ATG4A: variants seen among roughly 807,000 people sequenced by gnomAD.
ATG4A encodes autophagy related 4A cysteine peptidase.
ATG4A carries 22 observed loss-of-function variants against 38.4 expected under a neutral mutation model. The ratio of observed to expected loss-of-function variants is 0.57; its 90% CI spans 0.41 to 0.82. The LOEUF (loss-of-function observed/expected upper bound fraction) is 0.82. Ranked by LOEUF, ATG4A falls within the 40% of genes least tolerant of loss-of-function variation. The probability of loss-of-function intolerance (pLI) is 0.00; values close to 1 mark genes in which losing one functional copy is unlikely to be tolerated. For synonymous variants in ATG4A, 86 were observed against 100.7 expected, an observed-to-expected ratio of 0.85 and a Z score of 0.88; for missense variants, 220 against 290.0, an observed-to-expected ratio of 0.76 and a Z score of 1.75.
rs1166199238 is a variant in ATG4A at position 108,092,020 on chromosome X, G to T, written c.10+184G>T. 9 of 738,415 alleles carry T rather than the reference G, an allele frequency of 1.2e-5. No homozygotes were observed. The East Asian group carries it at 3.2e-4, about 26-fold the overall frequency. The allele number at this position is 738,415 out of a possible 1,213,427, so 60.9% of individuals were successfully genotyped here. A position where few individuals can be genotyped will look rare whatever the true frequency, so the allele number is the denominator to read the frequency against. ...GGCGGAAGGGACAAGGGTTGGAGCT[G>T]AGTACTACCTACTGAGCTCGAACCG... On this transcript the variant is annotated intron_variant, in intron 1 of 12. Transcript: ENST00000372232.
chrX:108,141,830 T>A (rs753374174), intron 9 of ATG4A, among the ~76,000 whole-genome samples: 3 of 111,701 alleles, frequency 2.7e-5, no homozygotes, highest in South Asian at 3.8e-4. Flanking sequence ...TTTTAAAAAA[T>A]TTTGTTCCAG....
upstream of ATG4A, among the ~76,000 whole-genome samples, chrX:108,089,463 T>C (rs1712741451): frequency 8.9e-6 from 1 of 112,226 alleles, no homozygotes; most frequent in African/African-American, 3.2e-5. Context: ...ATCTAGAATT[T>C]AAAATCATAA....
At chrX:108,125,455 A>T (rs1268748288) in intron 1 of ATG4A, among the ~76,000 whole-genome samples, 1 of 112,461 alleles carries the variant, frequency 8.9e-6, no homozygotes, top group Non-Finnish European at 1.9e-5. Flanking sequence ...TATATTTCTT[A>T]TTATATCTTA....
chrX:108,129,693 C>G (rs1014384985), intron 3 of ATG4A, among the ~76,000 whole-genome samples: 2 of 108,177 alleles, frequency 1.8e-5, no homozygotes, highest in African/African-American at 6.8e-5. Flanking sequence ...GCCTCAGCCT[C>G]CCGAGTAGCT....
In ATG4A at chrX:108,141,058, GTGTATATATATACATATA is replaced by G. The variant is rs1291188957; in HGVS notation, c.814+2869_814+2886del. Among the ~76,000 whole-genome samples, 34 of 30,572 alleles carry G rather than the reference GTGTATATATATACATATA, an allele frequency of 1.1e-3. 1 individual carries two copies. The highest frequency in any genetic ancestry group is 3.5e-3 in the African/African-American group (28 of 8,055). The allele number at this position is 30,572 out of a possible 115,157, so 26.5% of individuals were successfully genotyped here. ...TATATACATATATATACATATATAC[GTGTATATATATACATATA>G]TATATATATATATATATATATATAT... On this transcript the variant is annotated intron_variant, in intron 9 of 12. Transcript: ENST00000372232.
intron 9 of ATG4A, among the ~76,000 whole-genome samples, chrX:108,143,211 G>T (rs1021261161): frequency 2.7e-5 from 3 of 112,532 alleles, no homozygotes; most frequent in South Asian, 3.7e-4. Context: ...AGGAGGAAAT[G>T]TTCATGACAA....
intron 1 of ATG4A, among the ~76,000 whole-genome samples, chrX:108,096,597 C>G (rs1490912560): frequency 1.8e-5 from 2 of 111,920 alleles, no homozygotes; most frequent in East Asian, 5.5e-4. Context: ...TTCCAAGTGC[C>G]TTTCCTACTG....
intron 11 of ATG4A, chrX:108,152,099 G>C: frequency 3.3e-6 from 1 of 305,033 alleles, no homozygotes; most frequent in Non-Finnish European, 5.8e-6. Context: ...TTTTAGTGAT[G>C]AAACCTAATG....
intron 1 of ATG4A, among the ~76,000 whole-genome samples, chrX:108,124,122 T>C (rs2032734540): frequency 8.9e-6 from 1 of 112,359 alleles, no homozygotes; most frequent in Non-Finnish European, 1.9e-5. Flanking sequence ...TGATTTGCCC[T>C]GCCTCAGTCC....
At chrX:108,102,974 G>C (rs1056136436) in intron 1 of ATG4A, among the ~76,000 whole-genome samples, 2 of 110,137 alleles carry the variant, frequency 1.8e-5, no homozygotes, top group African/African-American at 6.6e-5. Context: ...TATTCTTCCT[G>C]ATGCTCTCCC....
At chrX:108,134,205 C>G (rs373701323) in intron 5 of ATG4A, 47 bp downstream of exon 5, 6 of 1,131,750 alleles carry the variant, frequency 5.3e-6, no homozygotes, top group Non-Finnish European at 4.8e-6. Flanking sequence ...ATTCCTGTTC[C>G]TTCTCTTCCC....
chrX:108,142,062 A>G (rs1344366948), intron 9 of ATG4A, among the ~76,000 whole-genome samples: 1 of 111,478 alleles, frequency 9.0e-6, no homozygotes, highest in Non-Finnish European at 1.9e-5. Context: ...GGAGGCCATT[A>G]TCCTAAGTGT....
intron 4 of ATG4A, among the ~76,000 whole-genome samples, chrX:108,131,770 G>A (rs2032962639): frequency 8.9e-6 from 1 of 112,366 alleles, no homozygotes; most frequent in African/African-American, 3.2e-5. Flanking sequence ...CCTAAAGGAA[G>A]TGCATAGAGG....
chrX:108,142,449 A>C (rs2033324063), intron 9 of ATG4A, among the ~76,000 whole-genome samples: 1 of 109,833 alleles, frequency 9.1e-6, no homozygotes, highest in African/African-American at 3.3e-5. Context: ...CTAATGGAAT[A>C]TATATACATA....
intron 1 of ATG4A, among the ~76,000 whole-genome samples, chrX:108,122,508 C>G (rs2032682029): frequency 8.9e-6 from 1 of 111,779 alleles, no homozygotes; most frequent in Non-Finnish European, 1.9e-5. Flanking sequence ...CCCTTTCTCC[C>G]TGGCTTCAAA....
At chrX:108,133,607 G>A (rs772360225) in intron 4 of ATG4A, among the ~76,000 whole-genome samples, 5 of 112,183 alleles carry the variant, frequency 4.5e-5, no homozygotes, top group African/African-American at 1.3e-4. Flanking sequence ...CTTCTTACCC[G>A]TGAGATCCTT....
At chrX:108,127,078 A>G (rs2032816571) in intron 2 of ATG4A, 2 of 180,169 alleles carry the variant, frequency 1.1e-5, no homozygotes, top group Non-Finnish European at 2.2e-5. Flanking sequence ...TTTTGTATTC[A>G]GACTCTTCTA....
intron 2 of ATG4A, 73 bp from the exon 3 acceptor site, chrX:108,128,708 G>C: frequency 1.5e-6 from 1 of 658,110 alleles, no homozygotes; most frequent in Non-Finnish European, 2.2e-6. Flanking sequence ...AATTAAGTTA[G>C]TAGCTGGCTC....
At position 108,150,697 on chromosome X, in the gene ATG4A, A is replaced by G. The variant is rs151183352; in HGVS notation, c.960+400A>G. 1.9e-3 allele frequency among the ~76,000 whole-genome samples: 217 copies of G among 112,357 alleles called. 3 individuals are homozygous for G. In the East Asian group the frequency reaches 0.054, roughly 28 times the overall value. Reference sequence around the variant, plus strand: ...ATGCAGGGGAACTCCCATTTATAAAACCATCAGATCTCATAAGACTTATTC... The same window carrying G: ...ATGCAGGGGAACTCCCATTTATAAAGCCATCAGATCTCATAAGACTTATTC... On this transcript the variant is annotated intron_variant, in intron 10 of 12. Transcript: ENST00000372232.
Sources: gnomAD v4.1 joint callset for allele counts (sites outside exome capture counted in the v4.1 genomes callset) on GRCh38, gnomAD v4.1.1 for gene constraint, MANE v1.5 for transcripts, NCBI Gene and HGNC (gene_info 2026-07-23, HGNC 2026-07-21) for gene names.